The following CTNNA3 variants were observed in gnomAD, a reference collection of about 807,000 sequenced individuals.
The protein encoded by CTNNA3 is catenin alpha 3.
A neutral mutation model predicts 95.7 loss-of-function variants in CTNNA3; 76 were observed. That is an observed-to-expected ratio of 0.79 (90% CI 0.66 to 0.96). CTNNA3 has a LOEUF of 0.96. CTNNA3 is among the 40% of genes least tolerant of loss of function. The probability of loss-of-function intolerance (pLI) is 0.00; values close to 1 mark genes in which losing one functional copy is unlikely to be tolerated. For synonymous variants in CTNNA3, 431 were observed against 374.4 expected (o/e 1.15, Z -1.74); for missense variants, 1,191 against 1,089.8 (o/e 1.09, Z -1.31).
At chr10:67,387,301 G>C (rs1246906597) in intron 5 of CTNNA3, among the ~76,000 whole-genome samples, 2 of 152,066 alleles carry the variant, frequency 1.3e-5, no homozygotes, top group Non-Finnish European at 2.9e-5. Context: ...GGTGACGGAC[G>C]GCACCTGAAA....
intron 5 of CTNNA3, among the ~76,000 whole-genome samples, chr10:67,431,915 G>A (rs955888573): frequency 3.3e-5 from 5 of 151,994 alleles, no homozygotes; most frequent in East Asian, 1.9e-4. Context: ...TCCAGTGTTC[G>A]TATTCCAGTT....
At chr10:67,468,366 T>A (rs964033912) in intron 5 of CTNNA3, among the ~76,000 whole-genome samples, 20 of 148,986 alleles carry the variant, frequency 1.3e-4, no homozygotes, top group Admixed American at 4.0e-4. Flanking sequence ...CTGTTCCTTT[T>A]AAAAAAAAAA....
chr10:66,144,036 T>C (rs1212984191), intron 13 of CTNNA3, among the ~76,000 whole-genome samples: 1 of 152,254 alleles, frequency 6.6e-6, no homozygotes, highest in Non-Finnish European at 1.5e-5. Flanking sequence ...AAAATAATTC[T>C]ATGCCCTGAT....
intron 1 of CTNNA3, among the ~76,000 whole-genome samples, chr10:67,689,520 G>A (rs1840800427): frequency 6.6e-6 from 1 of 152,174 alleles, no homozygotes; most frequent in African/African-American, 2.4e-5. Flanking sequence ...AGAGGCGAGA[G>A]GAAGTTTGTC....
intron 5 of CTNNA3, among the ~76,000 whole-genome samples, chr10:67,416,058 A>G (rs781240566): frequency 3.3e-5 from 5 of 152,194 alleles, no homozygotes; most frequent in Admixed American, 6.5e-5. Context: ...AAGAAAACCC[A>G]GGAAATAGTC....
intron 5 of CTNNA3, among the ~76,000 whole-genome samples, chr10:67,294,620 G>T (rs1839963222): frequency 6.6e-6 from 1 of 152,022 alleles, no homozygotes; most frequent in South Asian, 2.1e-4. Flanking sequence ...TTCTAAAAAA[G>T]TGACTCCCCA....
intron 15 of CTNNA3, among the ~76,000 whole-genome samples, chr10:66,004,438 G>C (rs1201854207): frequency 2.6e-5 from 4 of 151,986 alleles, no homozygotes; most frequent in Non-Finnish European, 4.4e-5. Flanking sequence ...ATCTAAGGGG[G>C]GGAATTACTA....
intron 7 of CTNNA3, among the ~76,000 whole-genome samples, chr10:67,051,546 G>A (rs546925756): frequency 9.3e-5 from 14 of 150,272 alleles, no homozygotes; most frequent in Admixed American, 3.3e-4. Flanking sequence ...TGCAACCTCC[G>A]CCTTCCAGGT....
chr10:67,599,678 G>A (rs1413791643), intron 3 of CTNNA3, among the ~76,000 whole-genome samples: 4 of 152,104 alleles, frequency 2.6e-5, no homozygotes, highest in African/African-American at 7.2e-5. Context: ...TAAAATATCA[G>A]AAGATATGAA....
intron 5 of CTNNA3, among the ~76,000 whole-genome samples, chr10:67,338,228 G>A (rs1254936237): frequency 6.6e-6 from 1 of 152,156 alleles, no homozygotes; most frequent in Non-Finnish European, 1.5e-5. Flanking sequence ...GGGCTTCAGT[G>A]AGCTTACAGT....
At chr10:67,524,416 AAAAAG>A (rs1313579510) in intron 4 of CTNNA3, among the ~76,000 whole-genome samples, 4 of 139,802 alleles carry the variant, frequency 2.9e-5, no homozygotes, top group African/African-American at 1.1e-4. Context: ...AAAAAAAAAA[AAAAAG>A]AGTGTTCAAA....
chr10:66,002,496 A>G (rs2078790139), intron 15 of CTNNA3, among the ~76,000 whole-genome samples: 1 of 152,178 alleles, frequency 6.6e-6, no homozygotes, highest in Admixed American at 6.5e-5. Context: ...CTTGTTCCAT[A>G]TTATTCAGAG....
chr10:66,641,943 A>G (rs912491676), intron 9 of CTNNA3, among the ~76,000 whole-genome samples: 1 of 152,174 alleles, frequency 6.6e-6, no homozygotes, highest in African/African-American at 2.4e-5. Flanking sequence ...TATGAATACA[A>G]CCATAAAAAT....
chr10:66,843,877 A>C (rs1166227844), intron 7 of CTNNA3, among the ~76,000 whole-genome samples: 1 of 152,208 alleles, frequency 6.6e-6, no homozygotes, highest in Non-Finnish European at 1.5e-5. Context: ...CAGAAACAGA[A>C]CCTAAAATAT....
In CTNNA3 at chr10:67,030,411, A is replaced by C. The variant is rs189950204; in HGVS notation, c.1047+149906T>G. Among the ~76,000 whole-genome samples, 11 of 152,282 alleles carry C rather than the reference A, an allele frequency of 7.2e-5. No individual in the cohort carries two copies. In the East Asian group the frequency reaches 1.9e-3, roughly 27 times the overall value. ...TATTTAAATAGCTCACCAGTTAAAAATTTAGGCCCTGTTGTGAATTAAGGA... is the reference window on the plus strand; with the variant it reads ...TATTTAAATAGCTCACCAGTTAAAACTTTAGGCCCTGTTGTGAATTAAGGA... On this transcript the variant is annotated intron_variant, in intron 7 of 17. Transcript: ENST00000433211.
intron 15 of CTNNA3, among the ~76,000 whole-genome samples, chr10:66,056,195 T>A (rs569640835): frequency 6.6e-6 from 1 of 152,268 alleles, no homozygotes; most frequent in South Asian, 2.1e-4. Context: ...GAGATATTTT[T>A]CATTTTGAGG....
chr10:67,747,008 G>A (rs937186832), intron 1 of CTNNA3, among the ~76,000 whole-genome samples: 3 of 152,148 alleles, frequency 2.0e-5, no homozygotes, highest in Admixed American at 2.0e-4. Context: ...ACCACCTGTG[G>A]CAGATCACAG....
At chr10:66,510,834 T>C (rs940305823) in intron 11 of CTNNA3, among the ~76,000 whole-genome samples, 3 of 151,836 alleles carry the variant, frequency 2.0e-5, no homozygotes, top group Admixed American at 6.6e-5. Context: ...TCATCAGACA[T>C]ATTGGCCCAT....
intron 7 of CTNNA3, among the ~76,000 whole-genome samples, chr10:66,790,498 T>C (rs1490531017): frequency 6.6e-6 from 1 of 152,066 alleles, no homozygotes; most frequent in African/African-American, 2.4e-5. Flanking sequence ...GTGTAGCCAA[T>C]ATGTTGCAGA....
Sources: gnomAD v4.1 joint callset for allele counts (sites outside exome capture counted in the v4.1 genomes callset) on GRCh38, gnomAD v4.1.1 for gene constraint, MANE v1.5 for transcripts, NCBI Gene and HGNC (gene_info 2026-07-23, HGNC 2026-07-21) for gene names.